The following CNTN5 variants were observed in gnomAD, a reference collection of about 807,000 sequenced individuals.
CNTN5 encodes the protein contactin 5.
A neutral mutation model predicts 129.1 loss-of-function variants in CNTN5; 77 were observed. The observed-to-expected ratio is 0.60, with a 90% CI of 0.50 to 0.72. CNTN5 has a LOEUF of 0.72. CNTN5 is among the 30% of genes least tolerant of loss of function. CNTN5 has a pLI of 0.00. For missense variants in CNTN5, 1,478 were observed against 1,328.8 expected (o/e 1.11, Z -1.75); for synonymous variants, 509 against 465.6 (o/e 1.09, Z -1.20).
At chr11:99,945,403 G>C (rs1015993634) in intron 7 of CNTN5, among the ~76,000 whole-genome samples, 3 of 151,864 alleles carry the variant, frequency 2.0e-5, no homozygotes, top group Admixed American at 2.0e-4. Flanking sequence ...TTAGGTAAGA[G>C]GCTATGTTTT....
intron 2 of CNTN5, among the ~76,000 whole-genome samples, chr11:99,541,467 AG>A (rs1948104759): frequency 1.3e-5 from 2 of 152,164 alleles, no homozygotes; most frequent in Non-Finnish European, 2.9e-5. Context: ...AGAAATGCCA[AG>A]AGAGAGTTAA....
chr11:99,312,765 T>C (rs1431506290), intron 1 of CNTN5, among the ~76,000 whole-genome samples: 1 of 151,816 alleles, frequency 6.6e-6, no homozygotes, highest in Non-Finnish European at 1.5e-5. Flanking sequence ...TTCCAAAAAA[T>C]CCTACATGAT....
At position 99,971,845 on chromosome 11, in the gene CNTN5, T is replaced by A. The variant is rs189083804; in HGVS notation, c.877+14836T>A. Reference sequence around the variant, plus strand: ...ATTATAATATTTAATTTTAAAAAAATTTATCAAAAGATTTTAAAAGTCTGC... The same window carrying A: ...ATTATAATATTTAATTTTAAAAAAAATTATCAAAAGATTTTAAAAGTCTGC... On this transcript the variant is annotated intron_variant, in intron 8 of 24. Transcript: ENST00000524871. Among the ~76,000 whole-genome samples the A allele has an allele frequency of 2.2e-3, 328 of 151,458 alleles. 5 individuals carry two copies. The highest frequency in any genetic ancestry group is 7.4e-3 in the African/African-American group (306 of 41,318).
At chr11:99,365,387 T>C (rs1227875515) in intron 2 of CNTN5, among the ~76,000 whole-genome samples, 1 of 152,196 alleles carries the variant, frequency 6.6e-6, no homozygotes, top group Non-Finnish European at 1.5e-5. Flanking sequence ...TAGAAAGTGG[T>C]ATAGCACAAG....
chr11:99,568,997 A>G (rs1013564412), intron 3 of CNTN5, among the ~76,000 whole-genome samples: 28 of 152,286 alleles, frequency 1.8e-4, no homozygotes, highest in African/African-American at 5.3e-4. Flanking sequence ...TTAAATATCA[A>G]TGAAGTCTTC....
chr11:99,526,858 A>G (rs1027641410), intron 2 of CNTN5, among the ~76,000 whole-genome samples: 2 of 152,218 alleles, frequency 1.3e-5, no homozygotes, highest in Admixed American at 6.5e-5. Flanking sequence ...AGAAAAGTAC[A>G]CTGCTGCTAG....
chr11:99,640,873 C>T (rs1194879579), intron 3 of CNTN5, among the ~76,000 whole-genome samples: 2 of 152,198 alleles, frequency 1.3e-5, no homozygotes, highest in African/African-American at 2.4e-5. Context: ...GATGCAGTGT[C>T]AGCTATTTCT....
intron 7 of CNTN5, among the ~76,000 whole-genome samples, chr11:99,942,531 T>C (rs1192591113): frequency 6.6e-6 from 1 of 152,000 alleles, no homozygotes; most frequent in East Asian, 1.9e-4. Flanking sequence ...ACTTTTTAAA[T>C]CTTTAAGTTC....
intron 15 of CNTN5, among the ~76,000 whole-genome samples, chr11:100,196,516 C>T (rs1417913316): frequency 6.6e-6 from 1 of 151,954 alleles, no homozygotes; most frequent in East Asian, 1.9e-4. Flanking sequence ...ATACAATGCA[C>T]ATTTTTATGT....
chr11:99,211,221 CTCTT>C (rs1859763731), intron 1 of CNTN5, among the ~76,000 whole-genome samples: 1 of 152,008 alleles, frequency 6.6e-6, no homozygotes, highest in South Asian at 2.1e-4. Context: ...TCATGGTATT[CTCTT>C]TCTTTGTTTA....
intron 3 of CNTN5, among the ~76,000 whole-genome samples, chr11:99,704,057 ATG>A (rs35620598): frequency 8.1e-5 from 12 of 148,234 alleles, no homozygotes; most frequent in African/African-American, 2.4e-4. Flanking sequence ...ATATATATAT[ATG>A]TGTGTGTGTG....
chr11:100,200,012 G>A (rs941014824), intron 15 of CNTN5, among the ~76,000 whole-genome samples: 1 of 151,860 alleles, frequency 6.6e-6, no homozygotes, highest in Non-Finnish European at 1.5e-5. Context: ...ATAAAATTCT[G>A]TTAAAATCTG....
intron 3 of CNTN5, among the ~76,000 whole-genome samples, chr11:99,634,097 G>A (rs1320919503): frequency 2.6e-5 from 4 of 152,186 alleles, no homozygotes; most frequent in Admixed American, 6.5e-5. Context: ...GTAATATGCA[G>A]GATGTATTGG....
chr11:99,793,671 A>G (rs960313336), intron 3 of CNTN5, among the ~76,000 whole-genome samples: 2 of 152,084 alleles, frequency 1.3e-5, no homozygotes, highest in Non-Finnish European at 2.9e-5. Context: ...TCTTAATTTC[A>G]TCATTTGCCC....
chr11:99,777,701 T>C (rs1208383837), intron 3 of CNTN5, among the ~76,000 whole-genome samples: 2 of 151,840 alleles, frequency 1.3e-5, no homozygotes, highest in Non-Finnish European at 2.9e-5. Context: ...TTTTGAGTGC[T>C]CCGCAAACCT....
rs1220477662 is a variant in CNTN5, at chr11:99,031,517, G to C, written c.-210+10247G>C. 2.0e-5 allele frequency among the ~76,000 whole-genome samples: 3 copies of C among 151,820 alleles called. No homozygotes were observed. The East Asian group carries it at 5.8e-4, about 30-fold the overall frequency. ...ATTGGGTCTGGAACTATTGGATAGA[G>C]AGGAAAAAAAGGTGAAGAAAGCCAC... On this transcript the variant is annotated intron_variant, in intron 1 of 24. Transcript: ENST00000524871.
At chr11:100,130,830 C>CG (rs1364917077) in intron 13 of CNTN5, among the ~76,000 whole-genome samples, 1 of 151,878 alleles carries the variant, frequency 6.6e-6, no homozygotes, top group Non-Finnish European at 1.5e-5. Context: ...ACAGTTTTGG[C>CG]GGGGGAAAAT....
intron 2 of CNTN5, among the ~76,000 whole-genome samples, chr11:99,437,178 G>T (rs1375777284): frequency 6.6e-6 from 1 of 152,142 alleles, no homozygotes; most frequent in African/African-American, 2.4e-5. Flanking sequence ...AGTACTTTAC[G>T]TGGCAAAGAG....
At chr11:100,266,311 A>G (rs1950301858) in intron 17 of CNTN5, among the ~76,000 whole-genome samples, 1 of 152,078 alleles carries the variant, frequency 6.6e-6, no homozygotes, top group Non-Finnish European at 1.5e-5. Flanking sequence ...AAGGTCTTCC[A>G]CTGTCTTTCG....
Sources: gnomAD v4.1 joint callset for allele counts (sites outside exome capture counted in the v4.1 genomes callset) on GRCh38, gnomAD v4.1.1 for gene constraint, MANE v1.5 for transcripts, NCBI Gene and HGNC (gene_info 2026-07-23, HGNC 2026-07-21) for gene names.